The following UBE2V1 variants were observed in gnomAD, a reference collection of about 807,000 sequenced individuals.
UBE2V1 encodes ubiquitin conjugating enzyme E2 V1, also known as ubiquitin-conjugating enzyme E2 variant 1.
UBE2V1 carries 15 observed loss-of-function variants against 19.6 expected under a neutral mutation model. That is an observed-to-expected ratio of 0.77 (90% confidence interval 0.51 to 1.18). The LOEUF (loss-of-function observed/expected upper bound fraction) is 1.18. UBE2V1 is among the 50% of genes most tolerant of loss of function. The pLI, the probability that UBE2V1 is intolerant of heterozygous loss-of-function variation, is 0.00. For missense variants in UBE2V1, 125 were observed against 184.8 expected (o/e 0.68, Z 1.88); for synonymous variants, 60 against 60.7 (o/e 0.99, Z 0.05).
chr20:50,081,785 T>C lies in UBE2V1; in HGVS notation c.*983A>G, dbSNP rs1346130710. On this transcript the variant is annotated 3_prime_UTR_variant, in exon 4 of 4. Transcript: ENST00000371674. ...TTCAACCACCAAGGACTCCGAGAGC[T>C]GGCAGGTCTGAGTAACCCTGGTGAC... 8.1e-6 allele frequency: 2 copies of C among 247,878 alleles called. No homozygotes were observed. Among genetic ancestry groups the C allele is most frequent in the Non-Finnish European group, 1.5e-5 (2 of 130,164 alleles). 15.4% of individuals were successfully genotyped at this position (247,878 alleles called of 1,614,324 possible).
intron 2 of UBE2V1, among the ~76,000 whole-genome samples, chr20:50,093,748 T>C (rs2079379992): frequency 6.6e-6 from 1 of 151,868 alleles, no homozygotes; most frequent in South Asian, 2.1e-4. Context: ...TTCCAGCACT[T>C]TGGGAGGCCG....
At position 50,081,441 on chromosome 20, in the gene UBE2V1, A is replaced by G. The variant is rs2146929456; in HGVS notation, c.*1327T>C. The G allele has an allele frequency of 6.6e-6, 1 of 152,618 alleles. No homozygotes were observed. Among genetic ancestry groups the G allele is most frequent in the Non-Finnish European group, 1.5e-5 (1 of 68,036 alleles). 9.5% of individuals were successfully genotyped at this position (152,618 alleles called of 1,614,324 possible). A position where few individuals can be genotyped will look rare whatever the true frequency, so the allele number is the denominator to read the frequency against. On this transcript the variant is annotated 3_prime_UTR_variant, in exon 4 of 4. Coordinates refer to ENST00000371674, the MANE Select transcript of UBE2V1 (RefSeq NM_001032288.3). ...TTTAGTGGTCCTGAACAGCAAGTGG[A>G]AAGACGCAGCAATTTGCCAGGAGGT...
At chr20:50,093,987 C>CAAAAAAAAAAAAAAAAAA (rs60174191) in intron 2 of UBE2V1, among the ~76,000 whole-genome samples, 5 of 56,276 alleles carry the variant, frequency 8.9e-5, no homozygotes, top group Admixed American at 2.9e-4. Flanking sequence ...GACTCCAACT[C>CAAAAAAAAAAAAAAAAAA]AAAAAAAAAA....
chr20:50,090,252 C>G (rs1374256672), intron 2 of UBE2V1, among the ~76,000 whole-genome samples: 1 of 152,224 alleles, frequency 6.6e-6, no homozygotes, highest in African/African-American at 2.4e-5. Flanking sequence ...AGATCATCTG[C>G]ACTTCCACAC....
intron 2 of UBE2V1, among the ~76,000 whole-genome samples, chr20:50,091,409 G>GTTTTT (rs1568981475): frequency 7.0e-5 from 9 of 128,236 alleles, no homozygotes; most frequent in African/African-American, 3.0e-4. Context: ...ATAACTTAAG[G>GTTTTT]CTTTTTTTTT....
chr20:50,113,173 C>A (rs372425380), upstream of UBE2V1: 1,217 of 1,265,778 alleles, frequency 9.6e-4, 2 homozygotes, highest in African/African-American at 5.3e-3. Context: ...TTCACCCCCC[C>A]CTTACCCGTC....
chr20:50,083,510 T>A (rs1033765760), intron 3 of UBE2V1, among the ~76,000 whole-genome samples: 1 of 152,208 alleles, frequency 6.6e-6, no homozygotes, highest in East Asian at 1.9e-4. Context: ...GTCTTCTGAG[T>A]ATCTCAAAGA....
chr20:50,085,646 G>A (rs1383693935), intron 2 of UBE2V1, among the ~76,000 whole-genome samples: 2 of 152,116 alleles, frequency 1.3e-5, no homozygotes, highest in African/African-American at 2.4e-5. Context: ...GCATCTAGTG[G>A]TCTTTGGGGA....
chr20:50,087,420 T>TAGACTTTA (rs374580461), intron 2 of UBE2V1, among the ~76,000 whole-genome samples: 3,285 of 147,954 alleles, frequency 0.022, 125 homozygotes, highest in African/African-American at 0.077. Flanking sequence ...AGCCCCAAGC[T>TAGACTTTA]AGACTTTAAT....
At chr20:50,091,941 T>A (rs118172603) in intron 2 of UBE2V1, among the ~76,000 whole-genome samples, 1 of 152,196 alleles carries the variant, frequency 6.6e-6, no homozygotes, top group African/African-American at 2.4e-5. Flanking sequence ...TTTTACTTCC[T>A]ACACCCCTGT....
intron 1 of UBE2V1, among the ~76,000 whole-genome samples, chr20:50,102,682 G>A (rs958861890): frequency 1.3e-4 from 20 of 152,204 alleles, no homozygotes; most frequent in Admixed American, 1.0e-3. Flanking sequence ...GTGAGCCACC[G>A]TGCTCGGCCG....
chr20:50,105,370 C>T (rs955107158), intron 1 of UBE2V1, among the ~76,000 whole-genome samples: 7 of 152,112 alleles, frequency 4.6e-5, no homozygotes, highest in African/African-American at 9.7e-5. Context: ...CAGTGACAAG[C>T]GAAAAGCTCA....
At chr20:50,114,895 G>T (rs1432720367), upstream of UBE2V1, 1 of 152,148 alleles carries the variant, frequency 6.6e-6, no homozygotes, top group Non-Finnish European at 1.5e-5. Context: ...GTGAAACCTC[G>T]TCTCTACTAA....
upstream of UBE2V1, chr20:50,115,713 C>A: frequency 1.9e-6 from 2 of 1,075,590 alleles, no homozygotes; most frequent in Non-Finnish European, 2.4e-6. Flanking sequence ...CCGTTACATC[C>A]AACTTTTAAT....
At chr20:50,112,846 C>T (rs1193881120) in intron 1 of UBE2V1, among the ~76,000 whole-genome samples, 1 of 152,184 alleles carries the variant, frequency 6.6e-6, no homozygotes, top group Non-Finnish European at 1.5e-5. Context: ...CTCCCCCAGA[C>T]AGCACAGAGG....
intron 1 of UBE2V1, among the ~76,000 whole-genome samples, chr20:50,112,198 C>G (rs1474485168): frequency 6.6e-6 from 1 of 152,174 alleles, no homozygotes; most frequent in African/African-American, 2.4e-5. Context: ...TCTCCGGAAC[C>G]CGACCTTTTC....
intron 1 of UBE2V1, 49 bp from the exon 2 acceptor site, chr20:50,096,869 T>C (rs1391025255): frequency 2.0e-5 from 33 of 1,610,676 alleles, no homozygotes; most frequent in Non-Finnish European, 2.6e-5. Flanking sequence ...CCAGGGGAAC[T>C]TGTAAGCCTA....
At chr20:50,099,563 T>C (rs2079852324) in intron 1 of UBE2V1, among the ~76,000 whole-genome samples, 1 of 152,130 alleles carries the variant, frequency 6.6e-6, no homozygotes, top group Non-Finnish European at 1.5e-5. Flanking sequence ...AAAAACCAAT[T>C]AGGAACCATT....
intron 2 of UBE2V1, among the ~76,000 whole-genome samples, chr20:50,090,086 T>C (rs1277629093): frequency 1.3e-5 from 2 of 152,102 alleles, no homozygotes; most frequent in African/African-American, 4.8e-5. Context: ...ACCCAGAGGG[T>C]GGTTACTGTT....
Sources: gnomAD v4.1 joint callset for allele counts (sites outside exome capture counted in the v4.1 genomes callset) on GRCh38, gnomAD v4.1.1 for gene constraint, MANE v1.5 for transcripts, NCBI Gene and HGNC (gene_info 2026-07-23, HGNC 2026-07-21) for gene names.